The following PPIG variants were observed in gnomAD, a reference collection of about 807,000 sequenced individuals.
PPIG encodes the protein peptidyl-prolyl cis-trans isomerase G.
A neutral mutation model predicts 87.9 loss-of-function variants in PPIG; 26 were observed. The observed-to-expected ratio is 0.30, with a 90% CI of 0.22 to 0.41. The LOEUF (loss-of-function observed/expected upper bound fraction) is 0.41. Among genes scored for constraint, PPIG ranks in the 10% least tolerant of loss-of-function variants. The pLI, the probability that PPIG is intolerant of heterozygous loss-of-function variation, is 1.00. For synonymous variants in PPIG, 308 were observed against 276.5 expected, an observed-to-expected ratio of 1.11 and a Z score of -1.13; for missense variants, 722 against 879.4, an observed-to-expected ratio of 0.82 and a Z score of 2.26.
At chr2:169,596,732 C>T (rs535309672) in intron 1 of PPIG, among the ~76,000 whole-genome samples, 1 of 152,226 alleles carries the variant, frequency 6.6e-6, no homozygotes, top group Admixed American at 6.5e-5. Context: ...CGGAGTCTTA[C>T]TCTGTTGCCT....
chr2:169,635,752 C>CG (rs1232423910), intron 12 of PPIG, among the ~76,000 whole-genome samples: 3 of 152,172 alleles, frequency 2.0e-5, no homozygotes, highest in African/African-American at 7.2e-5. Flanking sequence ...TTGGTTAGGA[C>CG]TCTTCCATGG....
At chr2:169,594,632 T>TCC (rs1684968665) in intron 1 of PPIG, among the ~76,000 whole-genome samples, 1 of 144,504 alleles carries the variant, frequency 6.9e-6, no homozygotes, top group South Asian at 2.2e-4. Flanking sequence ...TTTCTTTTTT[T>TCC]TTTTTTTTTT....
chr2:169,599,026 A>G (rs1235179779), intron 1 of PPIG, among the ~76,000 whole-genome samples: 1 of 151,978 alleles, frequency 6.6e-6, no homozygotes, highest in Non-Finnish European at 1.5e-5. Flanking sequence ...AACCTTGCAC[A>G]TATCTTATTT....
intron 10 of PPIG, 199 bp from the exon 11 acceptor site, chr2:169,631,567 C>CGTTTT (rs1019905384): frequency 3.8e-6 from 5 of 1,329,098 alleles, no homozygotes; most frequent in Non-Finnish European, 4.8e-6. Flanking sequence ...ATAATCGAAA[C>CGTTTT]GTTTTGTTTT....
rs186024966 is a variant in PPIG at position 169,601,938 on chromosome 2, A to G, written c.-69-1704A>G. Among the ~76,000 whole-genome samples, 886 of 152,080 alleles carry G rather than the reference A, an allele frequency of 5.8e-3. 7 individuals are homozygous for G. The highest frequency in any genetic ancestry group is 0.029 in the South Asian group (140 of 4,820). ...AAAAAACTCAGTAACATTTTTGTTT[A>G]GTATATTTTGAAGTGGTAATAGTTT... On this transcript the variant is annotated intron_variant, in intron 1 of 13. Coordinates refer to ENST00000260970, the MANE Select transcript of PPIG (RefSeq NM_004792.3).
chr2:169,629,179 T>G (rs186924911), intron 9 of PPIG, among the ~76,000 whole-genome samples: 39 of 152,330 alleles, frequency 2.6e-4, no homozygotes, highest in Non-Finnish European at 4.9e-4. Context: ...TAAAATAATA[T>G]AACACTTTTT....
intron 1 of PPIG, among the ~76,000 whole-genome samples, chr2:169,600,992 G>A (rs1358573983): frequency 6.6e-6 from 1 of 152,144 alleles, no homozygotes; most frequent in African/African-American, 2.4e-5. Flanking sequence ...AGTCCCTTTT[G>A]CAGAGATTCT....
At chr2:169,605,799 A>G (rs891005164) in intron 4 of PPIG, among the ~76,000 whole-genome samples, 2 of 150,880 alleles carry the variant, frequency 1.3e-5, no homozygotes, top group African/African-American at 4.9e-5. Context: ...ACTCTGTCTC[A>G]AAAAAAAACC....
intron 1 of PPIG, among the ~76,000 whole-genome samples, chr2:169,594,870 C>T (rs1397594655): frequency 6.6e-6 from 1 of 151,984 alleles, no homozygotes; most frequent in Non-Finnish European, 1.5e-5. Context: ...TCAAGTGATG[C>T]CTTGGCCTCC....
intron 5 of PPIG, 59 bp downstream of exon 5, chr2:169,606,205 G>C: frequency 7.9e-7 from 1 of 1,266,732 alleles, no homozygotes; most frequent in Non-Finnish European, 1.2e-6. Flanking sequence ...CTCAAAGTTA[G>C]ACAAGTCCCT....
chr2:169,619,682 T>C (rs945763545), intron 9 of PPIG, among the ~76,000 whole-genome samples: 4 of 152,070 alleles, frequency 2.6e-5, no homozygotes, highest in African/African-American at 9.7e-5. Context: ...TAATAATGGC[T>C]GTACCGATTT....
intron 1 of PPIG, among the ~76,000 whole-genome samples, chr2:169,586,852 T>A (rs560657871): frequency 6.6e-6 from 1 of 152,228 alleles, no homozygotes; most frequent in South Asian, 2.1e-4. Context: ...CATGAAGGAA[T>A]ACATAGATAA....
At chr2:169,622,726 CT>C (rs1558897696) in intron 9 of PPIG, among the ~76,000 whole-genome samples, 1 of 152,176 alleles carries the variant, frequency 6.6e-6, no homozygotes, top group African/African-American at 2.4e-5. Context: ...ACTTGGGCCC[CT>C]GTTATTCCAT....
At chr2:169,603,515 T>TTG (rs1491466745) in intron 1 of PPIG, 127 bp from the exon 2 acceptor site, 5 of 11,102 alleles carry the variant, frequency 4.5e-4, no homozygotes, top group African/African-American at 1.5e-3. Context: ...AAATAGTATA[T>TTG]TAACTATATA....
rs1002450878 is a variant in PPIG, at chr2:169,637,815, A to G, written c.*292A>G. On this transcript the variant is annotated 3_prime_UTR_variant, in exon 14 of 14. Coordinates refer to ENST00000260970, the MANE Select transcript of PPIG (RefSeq NM_004792.3). ...ATTACTGTGTTGCAACAATTAGCCAATAGCATCCTAATTTGTTTAGTCAGC... is the reference window on the plus strand; with the variant it reads ...ATTACTGTGTTGCAACAATTAGCCAGTAGCATCCTAATTTGTTTAGTCAGC... The G allele has an allele frequency of 1.4e-5, 3 of 208,444 alleles. No homozygotes were observed. Among genetic ancestry groups the G allele is most frequent in the Non-Finnish European group, 2.9e-5 (3 of 105,040 alleles). 12.9% of individuals were successfully genotyped at this position (208,444 alleles called of 1,614,324 possible).
intron 4 of PPIG, among the ~76,000 whole-genome samples, chr2:169,605,633 C>T (rs1355762874): frequency 8.6e-6 from 1 of 116,476 alleles, no homozygotes; most frequent in East Asian, 2.7e-4. Context: ...GAAATTCAGT[C>T]TCTACGAAAA....
intron 1 of PPIG, among the ~76,000 whole-genome samples, chr2:169,585,533 A>G (rs148096268): frequency 0.016 from 2,460 of 152,176 alleles, 63 homozygotes; most frequent in African/African-American, 0.054. Context: ...TGCTGGGATT[A>G]CAGGCGAGAG....
Position 169,636,743 on chromosome 2 carries a change from A to G in PPIG, c.1485A>G (p.Glu495=), listed in dbSNP as rs115515098. Residue 495 remains glutamate, a synonymous_variant, in exon 14 of 14, where the codon GAA becomes GAG. Transcript: ENST00000260970. The part of the protein sequence containing the change: ...MRSRSKGRDH[E]NVKEKEKQSD... The stretch of plus-strand genomic sequence containing the variant: ...CAAGGAGTAAAGGAAGGGATCATGA[A>G]AATGTTAAAGAAAAAGAAAAGCAGT... 4,031 of 1,612,472 alleles carry G rather than the reference A, an allele frequency of 2.5e-3. 88 individuals carry two copies. The Admixed American group carries it at 0.036, about 14-fold the overall frequency.
At chr2:169,616,374 T>C (rs1685609523) in intron 9 of PPIG, among the ~76,000 whole-genome samples, 1 of 152,186 alleles carries the variant, frequency 6.6e-6, no homozygotes, top group Admixed American at 6.6e-5. Flanking sequence ...GTAATGGGAT[T>C]GCTGTGCCAA....
Sources: allele counts gnomAD v4.1 joint callset (sites outside exome capture counted in the v4.1 genomes callset), GRCh38; gene constraint gnomAD v4.1.1; transcripts MANE v1.5; gene names NCBI Gene and HGNC (gene_info 2026-07-23, HGNC 2026-07-21).